Variants in DIAPH3 observed in about 807,000 individuals in gnomAD.
DIAPH3 encodes the protein diaphanous related formin 3.
Under a neutral mutation model 144.3 loss-of-function variants are expected in DIAPH3, and 117 were observed. That is an observed-to-expected ratio of 0.81 (90% CI 0.70 to 0.95). The LOEUF is 0.95. Among genes scored for constraint, DIAPH3 ranks in the 40% least tolerant of loss-of-function variants. The probability of loss-of-function intolerance (pLI) is 0.00; values close to 1 mark genes in which losing one functional copy is unlikely to be tolerated. For synonymous variants in DIAPH3, 519 were observed against 488.9 expected (o/e 1.06, Z -0.81); for missense variants, 1,421 against 1,412.7 (o/e 1.01, Z -0.09).
chr13:59,772,454 G>A (rs1228845192), intron 27 of DIAPH3, among the ~76,000 whole-genome samples: 3 of 152,164 alleles, frequency 2.0e-5, no homozygotes, highest in Admixed American at 2.0e-4. Context: ...TCGGCTTGCT[G>A]TATAATCTAC....
intron 27 of DIAPH3, among the ~76,000 whole-genome samples, chr13:59,718,129 T>C (rs7323258): frequency 6.7e-6 from 1 of 148,692 alleles, no homozygotes; most frequent in Non-Finnish European, 1.5e-5. Context: ...GTTTTACAGG[T>C]GAGGAAAAAC....
chr13:59,729,810 A>ATTTTTTTTTTTTTTTTT lies in DIAPH3; in HGVS notation c.3319+44362_3319+44378dup, dbSNP rs59987412. ...TGTGACTTCCGGTGAATACATTAAT[A>ATTTTTTTTTTTTTTTTT]TTTTTTTTTTTTTTTTTTTGAGATA... On this transcript the variant is annotated intron_variant, in intron 27 of 27. Coordinates refer to ENST00000400324, the MANE Select transcript of DIAPH3 (RefSeq NM_001042517.2). Among the ~76,000 whole-genome samples, 32 of 134,230 alleles carry ATTTTTTTTTTTTTTTTT rather than the reference A, an allele frequency of 2.4e-4. 4 individuals carry two copies. The highest frequency in any genetic ancestry group is 9.8e-4 in the African/African-American group (32 of 32,624). The allele number at this position is 134,230 out of a possible 152,430, so 88.1% of individuals were successfully genotyped here.
rs59987412 is a variant in DIAPH3 at position 59,729,810 on chromosome 13, A to ATTTT, written c.3319+44375_3319+44378dup. The stretch of plus-strand genomic sequence containing the variant: ...TGTGACTTCCGGTGAATACATTAAT[A>ATTTT]TTTTTTTTTTTTTTTTTTTGAGATA... On this transcript the variant is annotated intron_variant, in intron 27 of 27. Coordinates refer to ENST00000400324, the MANE Select transcript of DIAPH3 (RefSeq NM_001042517.2). Among the ~76,000 whole-genome samples, 53 of 134,242 alleles carry ATTTT rather than the reference A, an allele frequency of 3.9e-4. 1 individual carries two copies. The highest frequency in any genetic ancestry group is 8.0e-4 in the African/African-American group (26 of 32,638). 88.1% of individuals were successfully genotyped at this position (134,242 alleles called of 152,430 possible). A position where few individuals can be genotyped will look rare whatever the true frequency, so the allele number is the denominator to read the frequency against.
intron 24 of DIAPH3, among the ~76,000 whole-genome samples, chr13:59,825,905 A>C (rs1593569319): frequency 6.6e-6 from 1 of 152,202 alleles, no homozygotes; most frequent in South Asian, 2.1e-4. Flanking sequence ...GTAATCCAGC[A>C]TATAAACAAA....
chr13:60,033,489 G>A (rs2054963337), intron 5 of DIAPH3, among the ~76,000 whole-genome samples: 1 of 152,178 alleles, frequency 6.6e-6, no homozygotes, highest in Non-Finnish European at 1.5e-5. Flanking sequence ...TTCTGGGTCG[G>A]CCTTAGGAAG....
intron 20 of DIAPH3, among the ~76,000 whole-genome samples, chr13:59,895,599 T>C (rs893593787): frequency 7.2e-5 from 11 of 152,062 alleles, no homozygotes; most frequent in African/African-American, 2.7e-4. Context: ...ATTAACCAAA[T>C]ACATATGGGG....
rs528587758 is a variant in DIAPH3, at chr13:60,050,023, C to T, written c.496-7203G>A. ...TGGGCAACACAGTGAGACCCCATCT[C>T]TACAAAAAACATTTTTCTTAATTAA... On this transcript the variant is annotated intron_variant, in intron 4 of 27. Transcript: ENST00000400324. Among the ~76,000 whole-genome samples the T allele has an allele frequency of 2.6e-5, 4 of 152,210 alleles. No individual in the cohort carries two copies. In the South Asian group the frequency reaches 6.2e-4, roughly 24 times the overall value.
chr13:59,752,650 G>C lies in DIAPH3; in HGVS notation c.3319+21539C>G, dbSNP rs897347768. 3.3e-5 allele frequency among the ~76,000 whole-genome samples: 5 copies of C among 152,264 alleles called. No homozygotes were observed. In the South Asian group the frequency reaches 6.2e-4, roughly 19 times the overall value. The stretch of plus-strand genomic sequence containing the variant: ...TCCAAAGTGCTGGGATTACAGACGT[G>C]AGCCACTGCACCCAGCTAATGTAGT... On this transcript the variant is annotated intron_variant, in intron 27 of 27. Transcript: ENST00000400324.
chr13:59,852,324 T>C (rs1040139397), intron 22 of DIAPH3, among the ~76,000 whole-genome samples: 5 of 152,216 alleles, frequency 3.3e-5, no homozygotes, highest in Admixed American at 3.3e-4. Flanking sequence ...AGCACTTATA[T>C]CATTTCTCAT....
intron 2 of DIAPH3, among the ~76,000 whole-genome samples, chr13:60,114,642 GACAC>G (rs34572381): frequency 0.12 from 18,254 of 147,806 alleles, 1,694 homozygotes; most frequent in African/African-American, 0.27. Flanking sequence ...GAATACAAAA[GACAC>G]ACACACACAC....
intron 2 of DIAPH3, among the ~76,000 whole-genome samples, chr13:60,128,677 C>T (rs1047184223): frequency 8.5e-5 from 13 of 152,048 alleles, no homozygotes; most frequent in Non-Finnish European, 1.0e-4. Context: ...GCAAAGACCT[C>T]ATGACTTCCT....
intron 1 of DIAPH3, among the ~76,000 whole-genome samples, chr13:60,163,275 C>A (rs911828222): frequency 6.6e-6 from 1 of 152,138 alleles, no homozygotes; most frequent in Non-Finnish European, 1.5e-5. Context: ...ATATCTTATA[C>A]CCTCTTACAC....
intron 12 of DIAPH3, among the ~76,000 whole-genome samples, chr13:59,990,895 A>T (rs1225158061): frequency 6.6e-6 from 1 of 151,984 alleles, no homozygotes; most frequent in African/African-American, 2.4e-5. Context: ...GTCACATGAT[A>T]AACTAGTAAT....
rs1566625500 is a variant in DIAPH3 at position 59,992,164 on chromosome 13, T to C, written c.1148A>G (p.Asp383Gly). ...GACTTTAAGTTGGATATCCAGGCCA[T>C]CATTCTTAATGCATTTTAAATTCTA... ...ILPNLKCIKNDGLDIQLKVFD... is the reference protein window; with the variant it reads ...ILPNLKCIKNGGLDIQLKVFD... Residue 383 changes from aspartate to glycine, a missense_variant, in exon 11 of 28, where the codon GAT becomes GGT. Asp to Gly is a moderately conservative substitution (Grantham distance 94, BLOSUM62 -1). Coordinates refer to ENST00000400324, the MANE Select transcript of DIAPH3 (RefSeq NM_001042517.2). 1 of 1,611,104 alleles carries C rather than the reference T, an allele frequency of 6.2e-7. No individual in the cohort carries two copies. Among genetic ancestry groups the C allele is most frequent in the Non-Finnish European group, 8.5e-7 (1 of 1,178,104 alleles).
At chr13:59,863,320 TACAGCTGGAAATTC>T (rs2043714183) in intron 21 of DIAPH3, among the ~76,000 whole-genome samples, 1 of 152,130 alleles carries the variant, frequency 6.6e-6, no homozygotes, top group East Asian at 1.9e-4. Context: ...GAATTTAATT[TACAGCTGGAAATTC>T]AAGGCATACC....
intron 27 of DIAPH3, among the ~76,000 whole-genome samples, chr13:59,727,192 T>C (rs2035643213): frequency 1.3e-5 from 2 of 152,180 alleles, no homozygotes; most frequent in South Asian, 4.1e-4. Context: ...TGACAACAGC[T>C]GGTGGTCAAA....
chr13:59,960,420 C>T (rs1172473488), intron 17 of DIAPH3, among the ~76,000 whole-genome samples: 1 of 152,090 alleles, frequency 6.6e-6, no homozygotes, highest in Non-Finnish European at 1.5e-5. Context: ...AGGAGTAATC[C>T]ATTCCTAAAA....
intron 27 of DIAPH3, among the ~76,000 whole-genome samples, chr13:59,760,785 G>A (rs1304467751): frequency 6.6e-6 from 1 of 152,068 alleles, no homozygotes; most frequent in African/African-American, 2.4e-5. Context: ...TGAGTGATGC[G>A]CTATTGTTTT....
At chr13:60,119,234 G>C (rs1225362518) in intron 2 of DIAPH3, among the ~76,000 whole-genome samples, 1 of 152,174 alleles carries the variant, frequency 6.6e-6, no homozygotes, top group African/African-American at 2.4e-5. Flanking sequence ...AACTCCTAAG[G>C]GGAGGCAAAG....
Sources: gnomAD v4.1 joint callset for allele counts (sites outside exome capture counted in the v4.1 genomes callset) on GRCh38, gnomAD v4.1.1 for gene constraint, MANE v1.5 for transcripts, NCBI Gene and HGNC (gene_info 2026-07-23, HGNC 2026-07-21) for gene names.